Variants in ABCE1 observed in about 807,000 individuals in gnomAD.
ABCE1 encodes ATP-binding cassette sub-family E member 1.
In ABCE1, 22 loss-of-function variants were observed where a neutral mutation model predicts 83.4. The ratio of observed to expected loss-of-function variants is 0.26; its 90% confidence interval spans 0.19 to 0.38. The LOEUF is 0.38. Ranked by LOEUF, ABCE1 falls within the 10% of genes least tolerant of loss-of-function variation. The pLI, the probability that ABCE1 is intolerant of heterozygous loss-of-function variation, is 1.00. For missense variants in ABCE1, 330 were observed against 721.9 expected, an observed-to-expected ratio of 0.46 and a Z score of 6.22; for synonymous variants, 204 against 233.7, an observed-to-expected ratio of 0.87 and a Z score of 1.16.
intron 8 of ABCE1, among the ~76,000 whole-genome samples, chr4:145,111,484 C>T (rs1345692991): frequency 6.6e-6 from 1 of 152,074 alleles, no homozygotes; most frequent in Non-Finnish European, 1.5e-5. Flanking sequence ...CCACCACACC[C>T]AGCTAATTTT....
chr4:145,117,445 G>A, intron 10 of ABCE1, 31 bp downstream of exon 10: 1 of 1,603,022 alleles, frequency 6.2e-7, no homozygotes, highest in East Asian at 2.2e-5. Flanking sequence ...CACATATGCT[G>A]TATTCTCTTC....
Position 145,099,929 on chromosome 4 carries a change from C to G in ABCE1, c.-28+1510C>G, listed in dbSNP as rs138521011. Among the ~76,000 whole-genome samples, 227 of 152,180 alleles carry G rather than the reference C, an allele frequency of 1.5e-3. 1 individual carries two copies. The highest frequency in any genetic ancestry group is 5.1e-3 in the African/African-American group (213 of 41,504). ...CTTTTGTCTTCGAATCTGAAATATC[C>G]GCAAATCCTTCTTTGTTTGCAGGAG... is the stretch of plus-strand genomic sequence containing the variant. On this transcript the variant is annotated intron_variant, in intron 1 of 17. Transcript: ENST00000296577.
rs116144136 is a variant in ABCE1, at chr4:145,113,109, G to A, written c.800+781G>A. On this transcript the variant is annotated intron_variant, in intron 9 of 17. Transcript: ENST00000296577. ...GCATTAGAACTATAGAGGAGTAATAGGACCAGATGTTGATGGTTTCTGTAA... is the reference window on the plus strand; with the variant it reads ...GCATTAGAACTATAGAGGAGTAATAAGACCAGATGTTGATGGTTTCTGTAA... 4.0e-3 allele frequency among the ~76,000 whole-genome samples: 616 copies of A among 152,244 alleles called. 8 individuals are homozygous for A. The highest frequency in any genetic ancestry group is 0.014 in the African/African-American group (570 of 41,538).
chr4:145,102,920 G>C (rs1019363871), intron 1 of ABCE1, among the ~76,000 whole-genome samples: 1 of 152,180 alleles, frequency 6.6e-6, no homozygotes, highest in Non-Finnish European at 1.5e-5. Flanking sequence ...TAAGGTAGAA[G>C]ACAAGCTGTT....
chr4:145,103,883 T>C (rs1476397896), intron 1 of ABCE1, among the ~76,000 whole-genome samples: 2 of 151,168 alleles, frequency 1.3e-5, no homozygotes, highest in Non-Finnish European at 2.9e-5. Context: ...CACCTCAGCC[T>C]CCGGAATAGC....
intron 3 of ABCE1, 141 bp from the exon 4 acceptor site, chr4:145,107,874 T>C: frequency 1.5e-6 from 1 of 659,658 alleles, no homozygotes; most frequent in Non-Finnish European, 2.5e-6. Context: ...AAGTAAATAG[T>C]AGAAGGAAAT....
chr4:145,105,750 C>T, intron 3 of ABCE1, 60 bp downstream of exon 3: 1 of 1,234,082 alleles, frequency 8.1e-7, no homozygotes, highest in Non-Finnish European at 1.2e-6. Context: ...TCTGAAAATT[C>T]TGGATACTAT....
chr4:145,111,762 A>T (rs1185206240), intron 8 of ABCE1, among the ~76,000 whole-genome samples: 2 of 152,140 alleles, frequency 1.3e-5, no homozygotes, highest in East Asian at 3.8e-4. Context: ...GAGGAGAGGA[A>T]AGTTTCCTTC....
chr4:145,103,092 TTAGA>T (rs1749196407), intron 1 of ABCE1, among the ~76,000 whole-genome samples: 1 of 152,018 alleles, frequency 6.6e-6, no homozygotes, highest in Non-Finnish European at 1.5e-5. Context: ...ACTAAAGCAG[TTAGA>T]TAGTTGAGAT....
At chr4:145,109,101 T>C (rs753288718) in intron 4 of ABCE1, 31 bp from the exon 5 acceptor site, 2 of 1,458,300 alleles carry the variant, frequency 1.4e-6, no homozygotes, top group Admixed American at 1.8e-5. Flanking sequence ...TAAATCTGAG[T>C]TGTTTTATTA....
chr4:145,118,573 C>T (rs1280233501), intron 10 of ABCE1, among the ~76,000 whole-genome samples: 1 of 151,692 alleles, frequency 6.6e-6, no homozygotes, highest in Non-Finnish European at 1.5e-5. Flanking sequence ...GTACCTTACT[C>T]TATACCATAT....
chr4:145,122,553 C>T (rs1180316394), intron 13 of ABCE1: 1 of 151,992 alleles, frequency 6.6e-6, no homozygotes, highest in Non-Finnish European at 1.5e-5. Context: ...CATGGTAGCT[C>T]ACGCATGTAA....
intron 1 of ABCE1, among the ~76,000 whole-genome samples, chr4:145,101,460 C>A (rs1749154123): frequency 6.6e-6 from 1 of 152,074 alleles, no homozygotes; most frequent in Non-Finnish European, 1.5e-5. Flanking sequence ...GAGAATGAAG[C>A]CATTGCAGGA....
chr4:145,107,644 T>A (rs967270735), intron 3 of ABCE1, among the ~76,000 whole-genome samples: 1 of 152,170 alleles, frequency 6.6e-6, no homozygotes, highest in African/African-American at 2.4e-5. Flanking sequence ...ACGTGTATTT[T>A]TTCCCCCAAC....
At chr4:145,110,697 G>A (rs545487306) in intron 7 of ABCE1, 13 of 541,326 alleles carry the variant, frequency 2.4e-5, no homozygotes, top group East Asian at 9.4e-5. Flanking sequence ...GGCTGGTCTC[G>A]AACTCCCACC....
rs1312214181 is a variant in ABCE1 at position 145,110,196 on chromosome 4, A to G, written c.499A>G (p.Ile167Val). 2.5e-6 allele frequency: 4 copies of G among 1,607,674 alleles called. No individual in the cohort carries two copies. The highest frequency in any genetic ancestry group is 2.7e-5 in the African/African-American group (2 of 74,400). The change falls in exon 6 of 18, where the codon ATC becomes GTC. Residue 167 changes from isoleucine (I) to valine (V), a missense_variant. By Grantham distance (29) the Ile-to-Val change is conservative. Coordinates refer to ENST00000296577, the MANE Select transcript of ABCE1 (RefSeq NM_002940.3). ...GATTCTAGAAGATGACCTAAAAGCC[A>G]TCATCAAACCTCAATATGTAGACCA... The part of the protein sequence containing the change: ...TKILEDDLKA[I>V]IKPQYVDQIP...
intron 3 of ABCE1, 73 bp from the exon 4 acceptor site, chr4:145,107,942 T>G (rs1053054492): frequency 2.7e-5 from 31 of 1,132,906 alleles, no homozygotes; most frequent in Non-Finnish European, 3.7e-5. Context: ...ATAAAAATAT[T>G]TTTAATCCAT....
chr4:145,111,634 T>A (rs920883391), intron 8 of ABCE1, among the ~76,000 whole-genome samples: 12 of 152,196 alleles, frequency 7.9e-5, no homozygotes, highest in African/African-American at 2.4e-4. Flanking sequence ...GCCTAAGCCC[T>A]GTTTTTATGT....
chr4:145,110,501 G>A (rs773003405), intron 7 of ABCE1, 57 bp downstream of exon 7: 86 of 1,545,674 alleles, frequency 5.6e-5, no homozygotes, highest in Non-Finnish European at 7.2e-5. Flanking sequence ...TTGAGACGGA[G>A]TTTCGCTCTT....
Sources: allele counts gnomAD v4.1 joint callset (sites outside exome capture counted in the v4.1 genomes callset), GRCh38; gene constraint gnomAD v4.1.1; transcripts MANE v1.5; gene names NCBI Gene and HGNC (gene_info 2026-07-23, HGNC 2026-07-21).